The following BORCS7 variants were observed in gnomAD, a reference collection of about 807,000 sequenced individuals.
BORCS7 encodes the protein BLOC-1-related complex subunit 7.
A neutral mutation model predicts 17.5 loss-of-function variants in BORCS7; 20 were observed. That is an observed-to-expected ratio of 1.14 (90% CI 0.80 to 1.66). The LOEUF (loss-of-function observed/expected upper bound fraction) is 1.66. Among genes scored for constraint, BORCS7 ranks in the 40% most tolerant of loss-of-function variants. BORCS7 has a pLI of 0.00. For missense variants in BORCS7, 122 were observed against 129.7 expected, an observed-to-expected ratio of 0.94 and a Z score of 0.29; for synonymous variants, 57 against 49.8, an observed-to-expected ratio of 1.14 and a Z score of -0.61.
chr10:102,860,803 C>T, intron 3 of BORCS7: 1 of 575,338 alleles, frequency 1.7e-6, no homozygotes, highest in Non-Finnish European at 3.1e-6. Flanking sequence ...ACTATAAACC[C>T]TGTAAAGGCA....
intron 1 of BORCS7, among the ~76,000 whole-genome samples, chr10:102,857,144 C>A (rs908960192): frequency 1.3e-5 from 2 of 152,082 alleles, no homozygotes; most frequent in Non-Finnish European, 2.9e-5. Flanking sequence ...GAACACCTAC[C>A]CCTGTAATCA....
chr10:102,855,373 G>A (rs148067587), intron 1 of BORCS7, among the ~76,000 whole-genome samples: 106 of 152,112 alleles, frequency 7.0e-4, no homozygotes, highest in Middle Eastern at 3.4e-3. Context: ...GGCCAGGCTG[G>A]TCTCGAACTC....
intron 1 of BORCS7, 81 bp downstream of exon 1, chr10:102,854,508 C>CA: frequency 6.9e-7 from 1 of 1,457,002 alleles, no homozygotes; most frequent in Non-Finnish European, 9.2e-7. Flanking sequence ...GGTCGCGTTG[C>CA]ATCTTGGGAA....
chr10:102,862,246 T>C (rs895885476), intron 4 of BORCS7, 66 bp downstream of exon 4: 7 of 1,491,436 alleles, frequency 4.7e-6, no homozygotes, highest in East Asian at 4.5e-5. Flanking sequence ...TTTATACTGC[T>C]GGGTCCAGAA....
At chr10:102,855,064 T>C (rs1844405552) in intron 1 of BORCS7, among the ~76,000 whole-genome samples, 1 of 149,928 alleles carries the variant, frequency 6.7e-6, no homozygotes, top group African/African-American at 2.4e-5. Flanking sequence ...TAAACGTACA[T>C]TTATTTAGCA....
In BORCS7 at chr10:102,863,776, A is replaced by G. The variant is rs1256553401; in HGVS notation, c.*852A>G. On this transcript the variant is annotated 3_prime_UTR_variant, in exon 5 of 5. Transcript: ENST00000339834. ...TTTATTTGTGATAGCAAATTCCTAA[A>G]TGAACATTAGGCAAGTGGTATCATT... is the stretch of plus-strand genomic sequence containing the variant. 6.6e-6 allele frequency: 1 copy of G among 152,212 alleles called. No homozygotes were observed. The highest frequency in any genetic ancestry group is 1.5e-5 in the Non-Finnish European group (1 of 68,044). 9.4% of individuals were successfully genotyped at this position (152,212 alleles called of 1,614,324 possible). A position where few individuals can be genotyped will look rare whatever the true frequency, so the allele number is the denominator to read the frequency against.
At chr10:102,854,482 G>C in intron 1 of BORCS7, 55 bp downstream of exon 1, 1 of 1,502,292 alleles carries the variant, frequency 6.7e-7, no homozygotes, top group Non-Finnish European at 9.0e-7. Flanking sequence ...GCAGTCTTTC[G>C]TTGCTGTGGG....
chr10:102,859,559 A>AT (rs1291789731), intron 1 of BORCS7, among the ~76,000 whole-genome samples: 36 of 115,414 alleles, frequency 3.1e-4, no homozygotes, highest in African/African-American at 8.9e-4. Flanking sequence ...CTCTTATTCC[A>AT]TTTTTTTTTT....
intron 1 of BORCS7, among the ~76,000 whole-genome samples, chr10:102,859,484 T>C (rs1844481782): frequency 6.6e-6 from 1 of 151,160 alleles, no homozygotes; most frequent in African/African-American, 2.4e-5. Context: ...TCATCTTTTA[T>C]GGGGTGGTTC....
intron 4 of BORCS7, among the ~76,000 whole-genome samples, chr10:102,862,621 A>G (rs1397454754): frequency 4.6e-5 from 7 of 152,206 alleles, no homozygotes; most frequent in East Asian, 3.9e-4. Context: ...TTTGATTTAC[A>G]TGCAACAGTA....
chr10:102,860,045 TA>T (rs1844491409), intron 1 of BORCS7, among the ~76,000 whole-genome samples: 2 of 152,218 alleles, frequency 1.3e-5, no homozygotes, highest in Non-Finnish European at 2.9e-5. Context: ...TCTTAGCACT[TA>T]ATGAATACAC....
At chr10:102,862,125 T>G in intron 3 of BORCS7, 35 bp from the exon 4 acceptor site, 1 of 1,576,782 alleles carries the variant, frequency 6.3e-7, no homozygotes, top group Non-Finnish European at 8.7e-7. Context: ...ATTAGTTCAC[T>G]TATGTGTATT....
At chr10:102,860,597 T>C (rs758937646) in intron 3 of BORCS7, 56 bp downstream of exon 3, 21 of 1,567,046 alleles carry the variant, frequency 1.3e-5, no homozygotes, top group Non-Finnish European at 1.8e-5. Context: ...CCTGGTCTGC[T>C]TTCATGGACT....
intron 1 of BORCS7, among the ~76,000 whole-genome samples, chr10:102,858,299 A>T (rs1355833777): frequency 6.6e-6 from 1 of 152,078 alleles, no homozygotes; most frequent in Non-Finnish European, 1.5e-5. Context: ...AAATAAATAC[A>T]TGTGTCCATT....
intron 3 of BORCS7, among the ~76,000 whole-genome samples, chr10:102,861,931 T>G (rs1270323304): frequency 1.3e-5 from 2 of 152,184 alleles, no homozygotes; most frequent in African/African-American, 4.8e-5. Context: ...GAACCACATT[T>G]CTCACTCTGG....
intron 3 of BORCS7, 169 bp downstream of exon 3, chr10:102,860,710 G>C (rs1844503458): frequency 1.5e-6 from 1 of 685,946 alleles, no homozygotes; most frequent in Admixed American, 2.4e-5. Context: ...TACAGAAGAA[G>C]TGGGGGTAAA....
At position 102,862,867 on chromosome 10, in the gene BORCS7, T is replaced by C; in HGVS notation, c.270-6T>C. The C allele has an allele frequency of 1.9e-6, 3 of 1,601,172 alleles. No homozygotes were observed. The highest frequency in any genetic ancestry group is 2.6e-6 in the Non-Finnish European group (3 of 1,168,290). ...AGATAAACCCTGTCTCTATTCTAAT[T>C]CCTAGTGTTGAACAGTCATCGGATC... On this transcript the variant is annotated splice_region_variant and splice_polypyrimidine_tract_variant and intron_variant, in intron 4 of 4. Transcript: ENST00000339834.
Position 102,862,991 on chromosome 10 carries a change from G to C in BORCS7, c.*67G>C. On this transcript the variant is annotated 3_prime_UTR_variant, in exon 5 of 5. Coordinates refer to ENST00000339834, the MANE Select transcript of BORCS7 (RefSeq NM_001136200.2). ...TGAGGAGTAAATACCTTACACAGCT[G>C]TCCTCTGGGTTTGGTTTTCTATTTT... 1 of 1,360,034 alleles carries C rather than the reference G, an allele frequency of 7.4e-7. No homozygotes were observed. Among genetic ancestry groups the C allele is most frequent in the Non-Finnish European group, 1.0e-6 (1 of 952,964 alleles). The allele number at this position is 1,360,034 out of a possible 1,614,324, so 84.2% of individuals were successfully genotyped here.
intron 1 of BORCS7, 94 bp downstream of exon 1, chr10:102,854,521 G>GT: frequency 7.0e-7 from 1 of 1,426,408 alleles, no homozygotes; most frequent in Non-Finnish European, 9.4e-7. Flanking sequence ...CTTGGGAATT[G>GT]TAGGCTGTGA....
Sources: allele counts gnomAD v4.1 joint callset (sites outside exome capture counted in the v4.1 genomes callset), GRCh38; gene constraint gnomAD v4.1.1; transcripts MANE v1.5; gene names NCBI Gene and HGNC (gene_info 2026-07-23, HGNC 2026-07-21).